The following NDUFAF6 variants were observed in gnomAD, a reference collection of about 807,000 sequenced individuals.
The protein encoded by NDUFAF6 is NADH dehydrogenase (ubiquinone) complex I, assembly factor 6.
NDUFAF6 carries 45 observed loss-of-function variants against 40.8 expected under a neutral mutation model. The ratio of observed to expected loss-of-function variants is 1.10; its 90% CI spans 0.87 to 1.42. The LOEUF (loss-of-function observed/expected upper bound fraction) is 1.42. NDUFAF6 is among the 40% of genes most tolerant of loss of function. NDUFAF6 has a pLI of 0.00. For synonymous variants in NDUFAF6, 185 were observed against 155.9 expected, an observed-to-expected ratio of 1.19 and a Z score of -1.39; for missense variants, 435 against 418.5, an observed-to-expected ratio of 1.04 and a Z score of -0.34.
chr8:94,933,165 G>T (rs564659045), intron 1 of NDUFAF6, among the ~76,000 whole-genome samples: 3 of 152,170 alleles, frequency 2.0e-5, no homozygotes, highest in African/African-American at 7.2e-5. Flanking sequence ...GCAGTGAGCC[G>T]AGATTGCGCC....
At chr8:95,080,113 A>G, downstream of NDUFAF6, among the ~76,000 whole-genome samples, 1 of 57,260 alleles carries the variant, frequency 1.7e-5, no homozygotes, top group Non-Finnish European at 3.3e-5. Context: ...TATTTTTTGT[A>G]GTGATTTTTT....
chr8:95,007,744 T>G (rs1183586787), intron 2 of NDUFAF6, among the ~76,000 whole-genome samples: 1 of 151,632 alleles, frequency 6.6e-6, no homozygotes, highest in Non-Finnish European at 1.5e-5. Flanking sequence ...TGTATTTATT[T>G]ATTTAAGTCA....
At chr8:94,998,309 T>C (rs1454474268) in intron 2 of NDUFAF6, among the ~76,000 whole-genome samples, 4 of 151,932 alleles carry the variant, frequency 2.6e-5, no homozygotes, top group African/African-American at 9.7e-5. Context: ...CCTTCTATCC[T>C]TGTCCCCAGA....
intron 2 of NDUFAF6, among the ~76,000 whole-genome samples, chr8:94,991,671 A>G (rs970658817): frequency 6.6e-6 from 1 of 151,722 alleles, no homozygotes; most frequent in African/African-American, 2.4e-5. Flanking sequence ...AATTAAATAT[A>G]TTTTTTTCTT....
At chr8:95,105,062 CACACAGAGAGAGAGAGAGAG>C (rs1488124901), downstream of NDUFAF6, among the ~76,000 whole-genome samples, 37 of 65,424 alleles carry the variant, frequency 5.7e-4, no homozygotes, top group East Asian at 9.2e-3. Flanking sequence ...CACACACACA[CACACAGAGAGAGAGAGAGAG>C]AGAGAGAGAG....
At chr8:95,079,637 T>C (rs1295375339), downstream of NDUFAF6, among the ~76,000 whole-genome samples, 2 of 151,894 alleles carry the variant, frequency 1.3e-5, no homozygotes, top group Non-Finnish European at 2.9e-5. Flanking sequence ...ACAATTAAAC[T>C]ATAGGACCAA....
At chr8:94,959,051 G>A (rs1004897880) in intron 1 of NDUFAF6, among the ~76,000 whole-genome samples, 1 of 144,912 alleles carries the variant, frequency 6.9e-6, no homozygotes, top group Non-Finnish European at 1.5e-5. Context: ...TGATATGGCA[G>A]AGAAGCTGAA....
intron 2 of NDUFAF6, among the ~76,000 whole-genome samples, chr8:94,997,012 A>G (rs934941485): frequency 5.3e-5 from 8 of 152,152 alleles, no homozygotes; most frequent in African/African-American, 1.7e-4. Flanking sequence ...TGAGCTGACT[A>G]CTACAAAGGG....
chr8:94,930,374 G>A, intron 1 of NDUFAF6: 1 of 1,448,526 alleles, frequency 6.9e-7, no homozygotes. Context: ...CTATGTGATT[G>A]GTTATCAATT....
At chr8:94,935,519 G>A (rs1255892122) in intron 1 of NDUFAF6, among the ~76,000 whole-genome samples, 1 of 152,210 alleles carries the variant, frequency 6.6e-6, no homozygotes, top group Non-Finnish European at 1.5e-5. Context: ...ACCAACAATT[G>A]CTTGGGGCAA....
In NDUFAF6 at chr8:94,932,991, C is replaced by T. The variant is rs534541022; in HGVS notation, c.-935-12492C>T. Among the ~76,000 whole-genome samples, 7 of 152,032 alleles carry T rather than the reference C, an allele frequency of 4.6e-5. No homozygotes were observed. In the South Asian group the frequency reaches 1.5e-3, roughly 32 times the overall value. On this transcript the variant is annotated intron_variant, in intron 1 of 14. Transcript: ENST00000396113. Reference sequence around the variant, plus strand: ...CAGAACTTTGGGAGGTCAAGGTGGGCGGATCACTTGAGGTCAGGAGTTTGA... The same window carrying T: ...CAGAACTTTGGGAGGTCAAGGTGGGTGGATCACTTGAGGTCAGGAGTTTGA...
At chr8:95,028,079 A>G (rs1270216780) in intron 1 of NDUFAF6, among the ~76,000 whole-genome samples, 1 of 152,226 alleles carries the variant, frequency 6.6e-6, no homozygotes, top group Non-Finnish European at 1.5e-5. Context: ...CCAGGGAATC[A>G]CTTCCTTTGT....
chr8:95,009,640 G>A (rs1756273956), intron 2 of NDUFAF6, among the ~76,000 whole-genome samples: 1 of 152,112 alleles, frequency 6.6e-6, no homozygotes, highest in African/African-American at 2.4e-5. Context: ...TCTGCTTCGG[G>A]CCAGCCCAGA....
intron 9 of NDUFAF6, chr8:95,068,961 TC>T (rs1286882961): frequency 6.6e-6 from 1 of 151,936 alleles, no homozygotes; most frequent in African/African-American, 2.4e-5. Context: ...GTCTACCACT[TC>T]CCAATCTTCC....
In NDUFAF6 at chr8:95,015,310, G is replaced by A. The variant is rs1827396608; in HGVS notation, c.-83-16685G>A. ...GCCCAAACAGCAGGCATCCCCTACT[G>A]TATCTAATTACAAAGTTAGTCATTT... is the stretch of plus-strand genomic sequence containing the variant. On this transcript the variant is annotated intron_variant, in intron 2 of 9. Coordinates refer to the NDUFAF6 transcript ENST00000396111. Among the ~76,000 whole-genome samples the A allele has an allele frequency of 1.3e-5, 2 of 152,182 alleles. 1 individual carries two copies. The highest frequency in any genetic ancestry group is 4.1e-4 in the South Asian group (2 of 4,830).
chr8:95,016,673 T>C (rs1290961979), intron 2 of NDUFAF6, among the ~76,000 whole-genome samples: 2 of 152,080 alleles, frequency 1.3e-5, no homozygotes, highest in East Asian at 1.9e-4. Flanking sequence ...ACCCGGCAGG[T>C]GGAGGTTGCA....
intron 1 of NDUFAF6, among the ~76,000 whole-genome samples, chr8:94,899,530 G>A (rs1369190093): frequency 6.6e-6 from 1 of 152,204 alleles, no homozygotes; most frequent in Non-Finnish European, 1.5e-5. Flanking sequence ...TAAGACAGGT[G>A]CTAATGACTG....
chr8:94,998,059 G>A (rs1394045567), intron 2 of NDUFAF6, among the ~76,000 whole-genome samples: 1 of 152,004 alleles, frequency 6.6e-6, no homozygotes, highest in East Asian at 1.9e-4. Context: ...GCTCTCAATC[G>A]GAGAAAGACT....
chr8:94,973,606 G>C (rs1270378978), intron 1 of NDUFAF6, among the ~76,000 whole-genome samples: 1 of 151,982 alleles, frequency 6.6e-6, no homozygotes, highest in African/African-American at 2.4e-5. Context: ...TACTCGGGAG[G>C]CTGAGGCAGG....
Sources: gnomAD v4.1 joint callset for allele counts (sites outside exome capture counted in the v4.1 genomes callset) on GRCh38, gnomAD v4.1.1 for gene constraint, MANE v1.5 for transcripts, NCBI Gene and HGNC (gene_info 2026-07-23, HGNC 2026-07-21) for gene names.